RANBP2: variants seen among roughly 807,000 people sequenced by gnomAD.
RANBP2 encodes the protein RAN binding protein 2, also known as E3 SUMO-protein ligase RanBP2.
A neutral mutation model predicts 303.6 loss-of-function variants in RANBP2; 57 were observed. The observed-to-expected ratio is 0.19, with a 90% CI of 0.15 to 0.23. RANBP2 has a LOEUF of 0.23. RANBP2 is among the 10% of genes least tolerant of loss of function. The pLI is 1.00. For synonymous variants in RANBP2, 1,167 were observed against 1,301.5 expected (o/e 0.90, Z 2.23); for missense variants, 3,138 against 3,780.8 (o/e 0.83, Z 4.46).
chr2:109,652,431 T>C, the RANBP2 span, among the ~76,000 whole-genome samples: 2 of 152,162 alleles, frequency 1.3e-5, no homozygotes, highest in Non-Finnish European at 2.9e-5. Context: ...TTCACTGTGT[T>C]AGCCAGGATG....
At chr2:109,155,740 G>A in the RANBP2 span, among the ~76,000 whole-genome samples, 14 of 152,348 alleles carry the variant, frequency 9.2e-5, no homozygotes, top group South Asian at 2.7e-3. Context: ...AGAACAAAAA[G>A]GGAGTTCCCA....
At chr2:108,987,640 C>T in the RANBP2 span, among the ~76,000 whole-genome samples, 1 of 152,244 alleles carries the variant, frequency 6.6e-6, no homozygotes, top group Non-Finnish European at 1.5e-5. Flanking sequence ...TATCCTCCAA[C>T]TGTGCTGTCA....
At chr2:109,583,727 G>A in the RANBP2 span, among the ~76,000 whole-genome samples, 1 of 152,068 alleles carries the variant, frequency 6.6e-6, no homozygotes, top group Admixed American at 6.6e-5. Flanking sequence ...GCAAAGACAT[G>A]GAATCAACCT....
At chr2:109,747,551 C>T in the RANBP2 span, among the ~76,000 whole-genome samples, 12 of 149,650 alleles carry the variant, frequency 8.0e-5, no homozygotes, top group South Asian at 1.5e-3. Context: ...GTCAGGAGTT[C>T]GAGCCTGGCC....
chr2:109,720,294 C>CAT, the RANBP2 span, among the ~76,000 whole-genome samples: 1,518 of 150,990 alleles, frequency 0.01, 106 homozygotes, highest in East Asian at 0.18. Context: ...CACACACACA[C>CAT]ATATATATAT....
chr2:108,763,906 T>C lies in RANBP2; in HGVS notation c.3367T>C (p.Ser1123Pro), dbSNP rs199881964. 6.2e-7 allele frequency: 1 copy of C among 1,613,782 alleles called. No individual in the cohort carries two copies. The highest frequency in any genetic ancestry group is 8.5e-7 in the Non-Finnish European group (1 of 1,179,980). Residue 1123 changes from serine (S) to proline (P), a missense_variant, in exon 20 of 29, where the codon TCT (serine) becomes CCT (proline). By Grantham distance (74) the Ser-to-Pro change is moderately conservative. Transcript: ENST00000283195. ...ENMGSSQQKN[S>P]GFRRSDDMFT... is the part of the protein sequence containing the mutation. ...CATGGGGTCGAGTCAGCAAAAGAAT[T>C]CTGGTTTTCGGCGAAGTGATGATAT...
chr2:109,203,490 A>G, the RANBP2 span, among the ~76,000 whole-genome samples: 1 of 152,010 alleles, frequency 6.6e-6, no homozygotes, highest in African/African-American at 2.4e-5. Flanking sequence ...CCTAAGTCCC[A>G]CCGCTCCCCA....
At chr2:109,347,736 C>T in the RANBP2 span, 1 of 1,613,938 alleles carries the variant, frequency 6.2e-7, no homozygotes, top group Non-Finnish European at 8.5e-7. Context: ...AACCTGGTGA[C>T]CTCAAGTTCA....
chr2:109,378,039 T>C, the RANBP2 span, among the ~76,000 whole-genome samples: 1 of 152,248 alleles, frequency 6.6e-6, no homozygotes, highest in Non-Finnish European at 1.5e-5. Flanking sequence ...ACCTTGGTCT[T>C]GTGGGTTTTC....
At chr2:108,776,039 T>C (rs776964546) in intron 24 of RANBP2, 103 bp downstream of exon 24, 1 of 978,118 alleles carries the variant, frequency 1.0e-6, no homozygotes, top group Non-Finnish European at 1.5e-6. Context: ...TTAAAACACA[T>C]TTTGATATGT....
At chr2:109,169,217 AAC>A in the RANBP2 span, among the ~76,000 whole-genome samples, 6 of 152,214 alleles carry the variant, frequency 3.9e-5, no homozygotes, top group African/African-American at 1.4e-4. Flanking sequence ...CTATGGGACA[AAC>A]AGTGCTGGTT....
chr2:108,818,427 A>G, the RANBP2 span, among the ~76,000 whole-genome samples: 1 of 152,210 alleles, frequency 6.6e-6, no homozygotes, highest in Non-Finnish European at 1.5e-5. Context: ...GTAAATAAAA[A>G]GTTGTCTGTT....
the RANBP2 span, among the ~76,000 whole-genome samples, chr2:109,423,797 G>C: frequency 6.6e-6 from 1 of 152,126 alleles, no homozygotes; most frequent in South Asian, 2.1e-4. Context: ...ATGCGACCAA[G>C]AATATGAGAG....
At chr2:109,739,368 A>G in the RANBP2 span, among the ~76,000 whole-genome samples, 1 of 149,786 alleles carries the variant, frequency 6.7e-6, no homozygotes, top group South Asian at 2.1e-4. Flanking sequence ...CTTCTAATCC[A>G]TAAATGTGGA....
the RANBP2 span, among the ~76,000 whole-genome samples, chr2:109,118,489 C>T: frequency 6.6e-6 from 1 of 150,980 alleles, no homozygotes; most frequent in Non-Finnish European, 1.5e-5. Context: ...TTTGCCAGTC[C>T]TGCTGAGTGT....
chr2:108,740,316 TA>T (rs926959319), intron 6 of RANBP2, among the ~76,000 whole-genome samples, 172 bp from the exon 7 acceptor site: 24 of 151,834 alleles, frequency 1.6e-4, no homozygotes, highest in Admixed American at 3.9e-4. Context: ...GTATGCAGGA[TA>T]AAAAAAAGCA....
the RANBP2 span, among the ~76,000 whole-genome samples, chr2:109,296,187 C>T: frequency 6.6e-6 from 1 of 152,028 alleles, no homozygotes; most frequent in South Asian, 2.1e-4. Flanking sequence ...AGAGCCTCCT[C>T]CCATCTCCTG....
chr2:108,776,350 T>G (rs1033401083), intron 24 of RANBP2, among the ~76,000 whole-genome samples: 2 of 152,194 alleles, frequency 1.3e-5, no homozygotes, highest in Admixed American at 6.5e-5. Flanking sequence ...TGGTACTACT[T>G]AAATGTTTCT....
the RANBP2 span, chr2:109,585,779 A>C: frequency 1.2e-6 from 2 of 1,614,064 alleles, no homozygotes; most frequent in Non-Finnish European, 1.7e-6. Context: ...CCAGCTGATC[A>C]GGCAAACTCT....
Sources: allele counts gnomAD v4.1 joint callset (sites outside exome capture counted in the v4.1 genomes callset), GRCh38; gene constraint gnomAD v4.1.1; transcripts MANE v1.5; gene names NCBI Gene and HGNC (gene_info 2026-07-23, HGNC 2026-07-21).